FHAD1: variants seen among roughly 807,000 people sequenced by gnomAD.
The protein encoded by FHAD1 is forkhead associated phosphopeptide binding domain 1, also known as forkhead-associated domain-containing protein 1.
A neutral mutation model predicts 191.3 loss-of-function variants in FHAD1; 146 were observed. That is an observed-to-expected ratio of 0.76 (90% CI 0.67 to 0.88). The LOEUF (loss-of-function observed/expected upper bound fraction) is 0.88. FHAD1 is among the 40% of genes least tolerant of loss of function. The probability of loss-of-function intolerance (pLI) is 0.00; values close to 1 mark genes in which losing one functional copy is unlikely to be tolerated. For synonymous variants in FHAD1, 616 were observed against 672.3 expected (o/e 0.92, Z 1.29); for missense variants, 1,635 against 1,785.8 (o/e 0.92, Z 1.52).
intron 1 of FHAD1, among the ~76,000 whole-genome samples, chr1:15,238,499 C>G (rs1043907316): frequency 6.6e-6 from 1 of 152,144 alleles, no homozygotes; most frequent in Non-Finnish European, 1.5e-5. Context: ...TAAACAGACA[C>G]AAGGGAGGGC....
chr1:15,299,573 G>T (rs1668080876), intron 5 of FHAD1, among the ~76,000 whole-genome samples: 3 of 152,202 alleles, frequency 2.0e-5, no homozygotes, highest in Admixed American at 2.0e-4. Context: ...GGACAGGAAG[G>T]ATCAGGGCAC....
chr1:15,264,578 G>GTGTGTA (rs1553230111), intron 2 of FHAD1, among the ~76,000 whole-genome samples: 19,253 of 149,814 alleles, frequency 0.13, 1,389 homozygotes, highest in Admixed American at 0.17. Context: ...GTGTGTGTGT[G>GTGTGTA]ATCTTTAGGG....
chr1:15,316,082 C>G lies in FHAD1; in HGVS notation c.1171-296C>G, dbSNP rs1277168596. 6.6e-6 allele frequency among the ~76,000 whole-genome samples: 1 copy of G among 152,238 alleles called. No individual in the cohort carries two copies. Among genetic ancestry groups the G allele is most frequent in the African/African-American group, 2.4e-5 (1 of 41,470 alleles). On this transcript the variant is annotated intron_variant, in intron 8 of 33. Coordinates refer to ENST00000688493, the MANE Select transcript of FHAD1 (RefSeq NM_001391957.1). This position sits in a 1 kb window ranked among gnomAD's most constrained non-coding sequence, Gnocchi z 4.3. ...CCCTCCAAGGACATCCGTGTTTATT[C>G]CTCAGCACAGACTCTCCAAAGCTGG...
At chr1:15,285,966 A>G (rs181686145) in intron 3 of FHAD1, among the ~76,000 whole-genome samples, 1 of 152,376 alleles carries the variant, frequency 6.6e-6, no homozygotes, top group African/African-American at 2.4e-5. Flanking sequence ...CAAATGTTGT[A>G]TGAATCCACT....
At chr1:15,298,837 G>A (rs1667726443) in intron 5 of FHAD1, among the ~76,000 whole-genome samples, 1 of 151,944 alleles carries the variant, frequency 6.6e-6, no homozygotes, top group Admixed American at 6.6e-5. Flanking sequence ...TGACTTGTCA[G>A]GACTCCTTCA....
At chr1:15,295,813 A>C (rs1023819494) in intron 4 of FHAD1, among the ~76,000 whole-genome samples, 2 of 152,220 alleles carry the variant, frequency 1.3e-5, no homozygotes, top group African/African-American at 4.8e-5. Context: ...TCTGTGTTGC[A>C]ACTACTCAAC....
At chr1:15,387,528 G>A (rs1167884357) in intron 31 of FHAD1, among the ~76,000 whole-genome samples, 1 of 152,114 alleles carries the variant, frequency 6.6e-6, no homozygotes, top group Non-Finnish European at 1.5e-5. Flanking sequence ...GCAGAAGGAT[G>A]ACTTGAGGCC....
intron 21 of FHAD1, 65 bp from the exon 22 acceptor site, chr1:15,360,413 G>A (rs1375350884): frequency 5.7e-6 from 8 of 1,397,184 alleles, no homozygotes; most frequent in Admixed American, 2.0e-5. Flanking sequence ...GTGCCCAGGG[G>A]GCATATTATT....
At chr1:15,296,433 T>C (rs1442353848) in intron 4 of FHAD1, among the ~76,000 whole-genome samples, 1 of 152,070 alleles carries the variant, frequency 6.6e-6, no homozygotes, top group African/African-American at 2.4e-5. Flanking sequence ...TTTTGTATTT[T>C]TAGTAGAGAT....
intron 18 of FHAD1, among the ~76,000 whole-genome samples, chr1:15,348,418 G>A (rs997860317): frequency 2.0e-5 from 3 of 152,192 alleles, no homozygotes; most frequent in Admixed American, 6.5e-5. Flanking sequence ...TTTGCATTAA[G>A]CTGTTTAGTT....
rs567122106 is a variant in FHAD1 at position 15,382,630 on chromosome 1, G to A, written c.4188+437G>A. Among the ~76,000 whole-genome samples the A allele has an allele frequency of 4.6e-5, 7 of 152,310 alleles. No individual in the cohort carries two copies. In the South Asian group the frequency reaches 1.5e-3, roughly 32 times the overall value. ...CAGATGGAAGAATAGATGGACTGAG[G>A]AGTATACAGGTGGATGGGCAGATGG... is the stretch of plus-strand genomic sequence containing the variant. On this transcript the variant is annotated intron_variant, in intron 31 of 33. Coordinates refer to ENST00000688493, the MANE Select transcript of FHAD1 (RefSeq NM_001391957.1).
Position 15,301,280 on chromosome 1 carries a change from G to T in FHAD1, c.754G>T (p.Val252Phe), listed in dbSNP as rs12039283. ...TGAAATTGAATCCAAATACAAAGAC[G>T]TCATAATAGCAAACCTGCAGAATGA... Reference protein sequence around the residue: ...DYEIESKYKDVIIANLQNEVA... With the variant: ...DYEIESKYKDFIIANLQNEVA... The change falls in exon 6 of 34, where the codon GTC becomes TTC. Residue 252 changes from valine (V) to phenylalanine (F), a missense_variant. Transcript: ENST00000688493. The T allele has an allele frequency of 1.9e-6, 3 of 1,551,658 alleles. No homozygotes were observed. The highest frequency in any genetic ancestry group is 1.7e-6 in the Non-Finnish European group (2 of 1,146,994).
intron 18 of FHAD1, among the ~76,000 whole-genome samples, chr1:15,347,590 C>G (rs1226428654): frequency 6.6e-6 from 1 of 152,242 alleles, no homozygotes; most frequent in Non-Finnish European, 1.5e-5. Context: ...GCTGGGACTA[C>G]AGGTGCACCA....
intron 1 of FHAD1, among the ~76,000 whole-genome samples, chr1:15,249,253 G>A (rs1006256145): frequency 6.6e-6 from 1 of 150,604 alleles, no homozygotes; most frequent in African/African-American, 2.5e-5. Flanking sequence ...GGTAGCTACC[G>A]CAAGGCACCA....
chr1:15,336,004 G>C (rs540540357), intron 14 of FHAD1, among the ~76,000 whole-genome samples: 2 of 152,220 alleles, frequency 1.3e-5, no homozygotes, highest in East Asian at 1.9e-4. Flanking sequence ...ACCAGGTCCA[G>C]TGGGCCAAGC....
Position 15,303,625 on chromosome 1 carries a change from G to A in FHAD1, c.915+2184G>A, listed in dbSNP as rs533302697. On this transcript the variant is annotated intron_variant, in intron 6 of 33. Transcript: ENST00000688493. ...AGCACTTTGGGAGGCCAAGGCAGGC[G>A]GATCACCTGAGGTCAGGAGTTCGAG... Among the ~76,000 whole-genome samples, 18 of 152,306 alleles carry A rather than the reference G, an allele frequency of 1.2e-4. No individual in the cohort carries two copies. The South Asian group carries it at 2.1e-3, about 18-fold the overall frequency.
chr1:15,303,046 C>G (rs956308790), intron 6 of FHAD1, among the ~76,000 whole-genome samples: 1 of 152,220 alleles, frequency 6.6e-6, no homozygotes, highest in African/African-American at 2.4e-5. Context: ...TTCATCCACT[C>G]ATTCGTTCAT....
intron 4 of FHAD1, among the ~76,000 whole-genome samples, chr1:15,293,589 G>A (rs371679087): frequency 5.4e-4 from 82 of 152,024 alleles, no homozygotes; most frequent in South Asian, 3.3e-3. Flanking sequence ...GTGGTGGCAC[G>A]CACCTGTAAT....
intron 3 of FHAD1, among the ~76,000 whole-genome samples, chr1:15,274,808 T>A (rs985247668): frequency 8.5e-5 from 13 of 152,158 alleles, no homozygotes; most frequent in African/African-American, 3.1e-4. Flanking sequence ...ACAAGGAATC[T>A]GAAACTCAGA....
Sources: allele counts gnomAD v4.1 joint callset (sites outside exome capture counted in the v4.1 genomes callset), GRCh38; gene constraint gnomAD v4.1.1; non-coding constraint Gnocchi (gnomAD v3.1); transcripts MANE v1.5; gene names NCBI Gene and HGNC (gene_info 2026-07-23, HGNC 2026-07-21).